ADGRL1: variants seen among roughly 807,000 people sequenced by gnomAD.
The protein encoded by ADGRL1 is adhesion G protein-coupled receptor L1.
A neutral mutation model predicts 148.9 loss-of-function variants in ADGRL1; 31 were observed. The ratio of observed to expected loss-of-function variants is 0.21; its 90% CI spans 0.16 to 0.28. The LOEUF is 0.28. Ranked by LOEUF, ADGRL1 falls within the 10% of genes least tolerant of loss-of-function variation. ADGRL1 has a pLI of 1.00. For missense variants in ADGRL1, 1,521 were observed against 2,058.8 expected (o/e 0.74, Z 5.05); for synonymous variants, 937 against 900.3 (o/e 1.04, Z -0.73).
At chr19:14,182,141 CCT>C (rs983765978) in intron 2 of ADGRL1, among the ~76,000 whole-genome samples, 34 of 152,202 alleles carry the variant, frequency 2.2e-4, no homozygotes, top group African/African-American at 8.0e-4. Context: ...CTGTCCCTCC[CCT>C]GAGGGGCAGA....
At chr19:14,195,543 C>T (rs1434259618) in intron 1 of ADGRL1, among the ~76,000 whole-genome samples, 4 of 152,140 alleles carry the variant, frequency 2.6e-5, no homozygotes, top group Non-Finnish European at 5.9e-5. Flanking sequence ...CTGGCAGCAG[C>T]CGGCCCCTCC....
Position 14,163,093 on chromosome 19 carries a change from G to A in ADGRL1, c.708C>T (p.Arg236=), listed in dbSNP as rs556693641. 2 of 1,614,106 alleles carry A rather than the reference G, an allele frequency of 1.2e-6. No homozygotes were observed. Among genetic ancestry groups the A allele is most frequent in the African/African-American group, 1.3e-5 (1 of 75,078 alleles). The change falls in exon 5 of 23, where the codon CGC becomes CGT. Residue 236 remains arginine (R), a synonymous_variant. Coordinates refer to ENST00000361434, the MANE Select transcript of ADGRL1 (RefSeq NM_014921.5). ...TGATGACCGTCTCCCCGCTCTTGATGCGCGTCCGTAGGTCATACTTGACGA... is the reference window on the plus strand; with the variant it reads ...TGATGACCGTCTCCCCGCTCTTGATACGCGTCCGTAGGTCATACTTGACGA... ...RNIVKYDLRT[R]IKSGETVINT...
intron 11 of ADGRL1, among the ~76,000 whole-genome samples, chr19:14,158,765 C>T (rs1969032903): frequency 6.6e-6 from 1 of 152,212 alleles, no homozygotes; most frequent in Non-Finnish European, 1.5e-5. Context: ...AACAGCAGGG[C>T]AGTGTGCCAG....
rs1968304516 is a variant in ADGRL1 at position 14,152,427 on chromosome 19, C to A, written c.3531G>T (p.Gly1177=). 6.2e-7 allele frequency: 1 copy of A among 1,600,724 alleles called. No individual in the cohort carries two copies. Among genetic ancestry groups the A allele is most frequent in the African/African-American group, 1.3e-5 (1 of 74,696 alleles). ...GCACGGGGTTGGTCAGCAGGTGGTT[C>A]CCCATGGTACCTGGCCAAAGGATCA... ...STPTLNRGTM[G]NHLLTNPVLQ... is the part of the protein sequence containing the mutation. Residue 1177 remains glycine (G), a synonymous_variant, in exon 21 of 23, where the codon GGG becomes GGT. Coordinates refer to ENST00000361434, the MANE Select transcript of ADGRL1 (RefSeq NM_014921.5). The surrounding 1 kb of genome is among the most constrained non-coding windows in gnomAD (Gnocchi z 6.1).
chr19:14,151,271 G>A lies in ADGRL1; in HGVS notation c.4012C>T (p.Pro1338Ser). Residue 1338 changes from proline to serine, a missense_variant, in exon 23 of 23, where the codon CCT becomes TCT. Around this residue, in one of 8 missense-constraint regions of ADGRL1, gnomAD observed 390 missense variants for 375.0 expected, o/e 1.04. Transcript: ENST00000361434. ...GACTGGGCCCGGGGCAGCAGCAGAG[G>A]CTCCTCCAGGGCCTTATAGAGAAGT... Reference protein sequence around the residue: ...IELLYKALEEPLLLPRAQSVL... With the variant: ...IELLYKALEESLLLPRAQSVL... 1.2e-6 allele frequency: 2 copies of A among 1,611,938 alleles called. No homozygotes were observed. The highest frequency in any genetic ancestry group is 1.7e-6 in the Non-Finnish European group (2 of 1,179,668).
At position 14,150,844 on chromosome 19, in the gene ADGRL1, G is replaced by A; in HGVS notation, c.*29C>T. The A allele has an allele frequency of 6.2e-7, 1 of 1,601,870 alleles. No individual in the cohort carries two copies. Among genetic ancestry groups the A allele is most frequent in the Non-Finnish European group, 8.5e-7 (1 of 1,175,376 alleles). On this transcript the variant is annotated 3_prime_UTR_variant, in exon 23 of 23. Transcript: ENST00000361434. Reference sequence around the variant, plus strand: ...GCCCAGGGTTCCCTCCCTGGCCTGGGCCACCAGCCCCTGGTCCATGAGGTG... The same window carrying A: ...GCCCAGGGTTCCCTCCCTGGCCTGGACCACCAGCCCCTGGTCCATGAGGTG...
intron 4 of ADGRL1, among the ~76,000 whole-genome samples, chr19:14,167,519 G>C (rs891537956): frequency 6.6e-6 from 1 of 152,058 alleles, no homozygotes; most frequent in African/African-American, 2.4e-5. Flanking sequence ...CTAGAACCAG[G>C]GGCCCCAGGG....
intron 2 of ADGRL1, among the ~76,000 whole-genome samples, chr19:14,181,933 C>A (rs1261639791): frequency 6.6e-6 from 1 of 152,198 alleles, no homozygotes; most frequent in Non-Finnish European, 1.5e-5. Flanking sequence ...AAGGATTTCA[C>A]TGTGACAAGG....
intron 1 of ADGRL1, among the ~76,000 whole-genome samples, chr19:14,192,414 T>C (rs1833128890): frequency 6.6e-6 from 1 of 152,002 alleles, no homozygotes; most frequent in Admixed American, 6.6e-5. Flanking sequence ...CTAATTTTTG[T>C]ATTTTTAGTA....
chr19:14,204,757 A>C (rs1013092476), intron 1 of ADGRL1, among the ~76,000 whole-genome samples: 22 of 151,816 alleles, frequency 1.4e-4, no homozygotes, highest in South Asian at 4.2e-4. Context: ...AGAGAGAGAG[A>C]GAGCGCGCGA....
intron 1 of ADGRL1, among the ~76,000 whole-genome samples, chr19:14,184,330 C>G (rs2145038539): frequency 6.6e-6 from 1 of 152,078 alleles, no homozygotes; most frequent in African/African-American, 2.4e-5. Flanking sequence ...CTGGGGGGGC[C>G]AGGGGAGATG....
At position 14,162,754 on chromosome 19, in the gene ADGRL1, G is replaced by A. The variant is rs201969754; in HGVS notation, c.1047C>T (p.Arg349=). Residue 349 remains arginine (R), a synonymous_variant, in exon 5 of 23, where the codon CGC becomes CGT. Coordinates refer to ENST00000361434, the MANE Select transcript of ADGRL1 (RefSeq NM_014921.5). The surrounding 1 kb of genome is among the most constrained non-coding windows in gnomAD (Gnocchi z 5.4). ...GGAAGGTGAGGCTGACAGGCTCCTC[G>A]CGGTTGGCATTGGTGTTGAAGGCAT... ...VDYAFNTNAN[R]EEPVSLTFPN... The A allele has an allele frequency of 2.4e-5, 38 of 1,614,180 alleles. No individual in the cohort carries two copies. The Middle Eastern group carries it at 4.9e-4, about 21-fold the overall frequency.
intron 2 of ADGRL1, among the ~76,000 whole-genome samples, chr19:14,180,767 T>C (rs1382789008): frequency 6.6e-6 from 1 of 152,196 alleles, no homozygotes; most frequent in Non-Finnish European, 1.5e-5. Context: ...TTGCCCAGGC[T>C]GGTCTCAAAC....
intron 11 of ADGRL1, among the ~76,000 whole-genome samples, chr19:14,158,822 T>C (rs1246917798): frequency 2.0e-5 from 3 of 152,226 alleles, no homozygotes; most frequent in Non-Finnish European, 4.4e-5. Context: ...CTGTGTGACC[T>C]TGGGCAAGCC....
intron 3 of ADGRL1, among the ~76,000 whole-genome samples, chr19:14,176,698 G>A (rs949183306): frequency 1.3e-5 from 2 of 152,044 alleles, no homozygotes; most frequent in African/African-American, 4.8e-5. Flanking sequence ...AATTAGCCAG[G>A]CATGGTGGCA....
In ADGRL1 at chr19:14,150,815, C is replaced by T; in HGVS notation, c.*58G>A. The T allele has an allele frequency of 1.3e-6, 2 of 1,573,790 alleles. No individual in the cohort carries two copies. The highest frequency in any genetic ancestry group is 1.4e-5 in the African/African-American group (1 of 73,792). Reference sequence around the variant, plus strand: ...CATCTGTCTCCCTCTCCCACCAGAGCCCTGCCCAGGGTTCCCTCCCTGGCC... The same window carrying T: ...CATCTGTCTCCCTCTCCCACCAGAGTCCTGCCCAGGGTTCCCTCCCTGGCC... On this transcript the variant is annotated 3_prime_UTR_variant, in exon 23 of 23. Coordinates refer to ENST00000361434, the MANE Select transcript of ADGRL1 (RefSeq NM_014921.5).
chr19:14,184,808 T>G (rs1971483587), intron 1 of ADGRL1, among the ~76,000 whole-genome samples: 2 of 151,620 alleles, frequency 1.3e-5, no homozygotes, highest in South Asian at 4.2e-4. Flanking sequence ...CCCGGCTAAT[T>G]TTTTGTATTT....
At chr19:14,183,023 C>T (rs40282) in intron 2 of ADGRL1, among the ~76,000 whole-genome samples, 99,720 of 151,976 alleles carry the variant, frequency 0.66, 34,314 homozygotes, top group African/African-American at 0.88. Flanking sequence ...GGCCAGTAAT[C>T]GAGTAATCGG....
chr19:14,190,428 G>A (rs1971856119), intron 1 of ADGRL1, among the ~76,000 whole-genome samples: 1 of 152,122 alleles, frequency 6.6e-6, no homozygotes, highest in Non-Finnish European at 1.5e-5. Context: ...CACCATGCTT[G>A]GCTGATTTTA....
Sources: allele counts gnomAD v4.1 joint callset (sites outside exome capture counted in the v4.1 genomes callset), GRCh38; gene constraint gnomAD v4.1.1; regional missense constraint gnomAD v4.1.1; non-coding constraint Gnocchi (gnomAD v3.1); transcripts MANE v1.5; gene names NCBI Gene and HGNC (gene_info 2026-07-23, HGNC 2026-07-21).